GRID1: variants seen among roughly 807,000 people sequenced by gnomAD.
GRID1 encodes the protein glutamate ionotropic receptor delta type subunit 1.
In GRID1, 28 loss-of-function variants were observed where a neutral mutation model predicts 98.0. The ratio of observed to expected loss-of-function variants is 0.29; its 90% confidence interval spans 0.21 to 0.39. The LOEUF (loss-of-function observed/expected upper bound fraction) is 0.39. GRID1 is among the 10% of genes least tolerant of loss of function. GRID1 has a pLI of 1.00. For missense variants in GRID1, 1,111 were observed against 1,340.5 expected (o/e 0.83, Z 2.67); for synonymous variants, 553 against 538.5 (o/e 1.03, Z -0.37).
intron 8 of GRID1, among the ~76,000 whole-genome samples, chr10:85,813,571 T>A (rs1477730141): frequency 6.6e-6 from 1 of 151,808 alleles, no homozygotes; most frequent in Non-Finnish European, 1.5e-5. Context: ...AATAGAAGTT[T>A]TACAGCAGGC....
intron 4 of GRID1, among the ~76,000 whole-genome samples, chr10:86,040,676 T>C (rs1446387104): frequency 6.6e-6 from 1 of 152,144 alleles, no homozygotes; most frequent in East Asian, 1.9e-4. Context: ...TTCTGATCCA[T>C]TGCAAAGTAG....
chr10:86,257,060 C>T (rs1374904403), intron 2 of GRID1, among the ~76,000 whole-genome samples: 1 of 152,250 alleles, frequency 6.6e-6, no homozygotes, highest in Non-Finnish European at 1.5e-5. Flanking sequence ...CTGGGTTCCT[C>T]TGTATTCAAA....
At chr10:86,176,903 T>C (rs544952082) in intron 3 of GRID1, among the ~76,000 whole-genome samples, 98 of 152,158 alleles carry the variant, frequency 6.4e-4, no homozygotes, top group African/African-American at 2.3e-3. Context: ...GCTTTCTCAG[T>C]GGCCGTGGCA....
intron 5 of GRID1, among the ~76,000 whole-genome samples, chr10:85,915,110 C>A (rs978849237): frequency 6.6e-6 from 1 of 152,158 alleles, no homozygotes; most frequent in East Asian, 1.9e-4. Context: ...TGGGGCCAAA[C>A]TGGTGGGATG....
chr10:86,170,817 T>C (rs1393607965), intron 3 of GRID1, among the ~76,000 whole-genome samples: 1 of 152,174 alleles, frequency 6.6e-6, no homozygotes, highest in African/African-American at 2.4e-5. Flanking sequence ...AAAAGCTGAA[T>C]GGATTTCTGG....
intron 8 of GRID1, among the ~76,000 whole-genome samples, chr10:85,802,913 A>G (rs1445053777): frequency 6.6e-6 from 1 of 150,512 alleles, no homozygotes; most frequent in Admixed American, 6.7e-5. Flanking sequence ...CAAATTGCTT[A>G]TTTGCAGGAT....
intron 2 of GRID1, among the ~76,000 whole-genome samples, chr10:86,262,031 G>A (rs186601836): frequency 1.2e-3 from 185 of 152,348 alleles, no homozygotes; most frequent in Middle Eastern, 3.4e-3. Context: ...ACTGAGGCTC[G>A]GATAGGTGAA....
chr10:85,894,166 T>C (rs755728608), intron 5 of GRID1, among the ~76,000 whole-genome samples: 2 of 152,184 alleles, frequency 1.3e-5, no homozygotes, highest in Non-Finnish European at 2.9e-5. Flanking sequence ...CAAGAATAGA[T>C]ACACATACTG....
intron 2 of GRID1, among the ~76,000 whole-genome samples, chr10:86,360,448 T>A (rs2132122761): frequency 6.6e-6 from 1 of 152,380 alleles, no homozygotes; most frequent in African/African-American, 2.4e-5. Context: ...ACATTGCCCT[T>A]TTTCTTTTTT....
At chr10:86,012,076 T>C (rs1842928751) in intron 4 of GRID1, among the ~76,000 whole-genome samples, 1 of 152,026 alleles carries the variant, frequency 6.6e-6, no homozygotes, top group African/African-American at 2.4e-5. Context: ...GAGAATTGCT[T>C]GAACCACTGC....
chr10:85,697,113 C>A (rs983162757), intron 12 of GRID1, among the ~76,000 whole-genome samples: 1 of 152,022 alleles, frequency 6.6e-6, no homozygotes, highest in Non-Finnish European at 1.5e-5. Flanking sequence ...TGGGGTATAG[C>A]GTTCCATAAA....
At position 85,705,976 on chromosome 10, in the gene GRID1, C is replaced by T. The variant is rs187372569; in HGVS notation, c.1997+17027G>A. Among the ~76,000 whole-genome samples the T allele has an allele frequency of 7.3e-4, 111 of 152,238 alleles. 1 individual carries two copies. Among genetic ancestry groups the T allele is most frequent in the Middle Eastern group, 3.4e-3 (1 of 294 alleles). On this transcript the variant is annotated intron_variant, in intron 12 of 15. Transcript: ENST00000327946. Reference sequence around the variant, plus strand: ...GGGACGTATCTCAAAATAATAAGAGCTATTTATGACAAACCCACAGTCAAT... The same window carrying T: ...GGGACGTATCTCAAAATAATAAGAGTTATTTATGACAAACCCACAGTCAAT...
At chr10:86,079,003 G>A (rs945675981) in intron 4 of GRID1, among the ~76,000 whole-genome samples, 6 of 152,206 alleles carry the variant, frequency 3.9e-5, no homozygotes, top group African/African-American at 9.6e-5. Flanking sequence ...TGGCTGGGAC[G>A]GAGCTACCCC....
At chr10:85,809,242 T>C (rs73330537) in intron 8 of GRID1, among the ~76,000 whole-genome samples, 1 of 151,678 alleles carries the variant, frequency 6.6e-6, no homozygotes. Context: ...AAGATACAAG[T>C]TCCTGTTAAA....
At chr10:85,814,458 G>A (rs1590243975) in intron 8 of GRID1, among the ~76,000 whole-genome samples, 1 of 151,910 alleles carries the variant, frequency 6.6e-6, no homozygotes, top group African/African-American at 2.4e-5. Flanking sequence ...AATGATTGAA[G>A]TTAAAAACAG....
chr10:85,615,179 C>A (rs1842773783), intron 14 of GRID1, among the ~76,000 whole-genome samples: 1 of 152,116 alleles, frequency 6.6e-6, no homozygotes, highest in Non-Finnish European at 1.5e-5. Flanking sequence ...GAGCCACAAC[C>A]CTGAGGGGGT....
At chr10:85,854,649 T>A (rs532845110) in intron 7 of GRID1, 34 bp from the exon 8 acceptor site, 1 of 1,613,076 alleles carries the variant, frequency 6.2e-7, no homozygotes, top group East Asian at 2.2e-5. Flanking sequence ...TTGGAAAATC[T>A]GGTTAAGGTA....
intron 2 of GRID1, among the ~76,000 whole-genome samples, chr10:86,223,514 T>G (rs1158631214): frequency 6.6e-6 from 1 of 152,208 alleles, no homozygotes; most frequent in Non-Finnish European, 1.5e-5. Flanking sequence ...CCCATGATGG[T>G]GCAGGGAGCT....
chr10:85,797,200 G>A (rs551370942), intron 8 of GRID1, among the ~76,000 whole-genome samples: 7 of 151,888 alleles, frequency 4.6e-5, no homozygotes, highest in Non-Finnish European at 8.8e-5. Flanking sequence ...TCAAAACACT[G>A]GATAATTTAA....
Sources: gnomAD v4.1 joint callset for allele counts (sites outside exome capture counted in the v4.1 genomes callset) on GRCh38, gnomAD v4.1.1 for gene constraint, MANE v1.5 for transcripts, NCBI Gene and HGNC (gene_info 2026-07-23, HGNC 2026-07-21) for gene names.